CCSER1: variants seen among roughly 807,000 people sequenced by gnomAD.
The protein encoded by CCSER1 is serine-rich coiled-coil domain-containing protein 1.
In CCSER1, 41 loss-of-function variants were observed where a neutral mutation model predicts 82.0. The observed-to-expected ratio is 0.50, with a 90% CI of 0.39 to 0.65. The LOEUF is 0.65. Ranked by LOEUF, CCSER1 falls within the 30% of genes least tolerant of loss-of-function variation. The probability of loss-of-function intolerance (pLI) is 0.00; values close to 1 mark genes in which losing one functional copy is unlikely to be tolerated. For missense variants in CCSER1, 1,119 were observed against 1,064.2 expected (o/e 1.05, Z -0.72); for synonymous variants, 414 against 383.9 (o/e 1.08, Z -0.92).
At chr4:91,110,513 A>G (rs1365696157) in intron 10 of CCSER1, among the ~76,000 whole-genome samples, 1 of 151,988 alleles carries the variant, frequency 6.6e-6, no homozygotes, top group Admixed American at 6.6e-5. Context: ...ACCACATCCC[A>G]CACTGAATAG....
At chr4:90,249,841 C>T (rs1722073965) in intron 1 of CCSER1, among the ~76,000 whole-genome samples, 1 of 152,048 alleles carries the variant, frequency 6.6e-6, no homozygotes. Flanking sequence ...CACACTTGCA[C>T]CATTTTATAT....
intron 10 of CCSER1, among the ~76,000 whole-genome samples, chr4:91,160,438 A>G (rs929193548): frequency 3.0e-4 from 45 of 152,298 alleles, no homozygotes; most frequent in Admixed American, 1.1e-3. Flanking sequence ...GTCAAATGGT[A>G]TTTCTAGTTC....
intron 10 of CCSER1, among the ~76,000 whole-genome samples, chr4:91,157,575 A>G (rs994226167): frequency 6.6e-6 from 1 of 152,020 alleles, no homozygotes; most frequent in African/African-American, 2.4e-5. Context: ...ATCAAATACA[A>G]TGTGATTCAA....
chr4:91,442,199 T>C lies in CCSER1; in HGVS notation c.2218-156373T>C, dbSNP rs1307393505. Reference sequence around the variant, plus strand: ...AGCCAAAAGAACAAAGCTGGAGGCATCACGCTACCTGACTTCAAACTATTC... The same window carrying C: ...AGCCAAAAGAACAAAGCTGGAGGCACCACGCTACCTGACTTCAAACTATTC... On this transcript the variant is annotated intron_variant, in intron 10 of 10. Transcript: ENST00000509176. Among the ~76,000 whole-genome samples, 3 of 151,110 alleles carry C rather than the reference T, an allele frequency of 2.0e-5. No individual in the cohort carries two copies. The East Asian group carries it at 6.0e-4, about 30-fold the overall frequency.
intron 10 of CCSER1, among the ~76,000 whole-genome samples, chr4:91,332,306 A>G (rs1578208264): frequency 2.6e-5 from 4 of 152,042 alleles, no homozygotes; most frequent in Admixed American, 2.6e-4. Flanking sequence ...GCTTACATTG[A>G]TAATATTATC....
intron 10 of CCSER1, among the ~76,000 whole-genome samples, chr4:91,180,838 T>C (rs940724329): frequency 6.6e-6 from 1 of 152,224 alleles, no homozygotes; most frequent in East Asian, 1.9e-4. Context: ...ACATATTTAT[T>C]AACAGCAAAC....
chr4:90,189,661 A>G (rs1050983590), intron 1 of CCSER1, among the ~76,000 whole-genome samples: 2 of 151,468 alleles, frequency 1.3e-5, no homozygotes, highest in South Asian at 4.2e-4. Context: ...TGTTTTTTCT[A>G]CCTTTCTCTG....
At chr4:90,321,853 C>T (rs1022064026) in intron 3 of CCSER1, among the ~76,000 whole-genome samples, 2 of 151,968 alleles carry the variant, frequency 1.3e-5, no homozygotes, top group Admixed American at 6.6e-5. Context: ...GTTATCTTTT[C>T]TATTGAGTTG....
chr4:91,143,004 A>T (rs867976395), intron 10 of CCSER1, among the ~76,000 whole-genome samples: 7 of 152,092 alleles, frequency 4.6e-5, no homozygotes, highest in African/African-American at 1.7e-4. Context: ...AGTTTTTCTT[A>T]ATACTGTGAA....
chr4:90,900,073 G>A (rs1409374165), intron 8 of CCSER1, among the ~76,000 whole-genome samples: 1 of 142,378 alleles, frequency 7.0e-6, no homozygotes, highest in Non-Finnish European at 1.5e-5. Context: ...GAATTCTGCT[G>A]TGAAACCCTC....
At chr4:90,261,869 T>C (rs914991679) in intron 1 of CCSER1, among the ~76,000 whole-genome samples, 3 of 152,186 alleles carry the variant, frequency 2.0e-5, no homozygotes, top group African/African-American at 7.2e-5. Flanking sequence ...AAATGTTTTC[T>C]TATACTTATT....
intron 9 of CCSER1, among the ~76,000 whole-genome samples, chr4:91,053,190 A>G (rs1462071789): frequency 6.6e-6 from 1 of 152,220 alleles, no homozygotes; most frequent in African/African-American, 2.4e-5. Context: ...AATTTCACTA[A>G]GACTTATGAA....
At chr4:90,278,435 A>G (rs553186585) in intron 1 of CCSER1, among the ~76,000 whole-genome samples, 1 of 152,254 alleles carries the variant, frequency 6.6e-6, no homozygotes, top group South Asian at 2.1e-4. Flanking sequence ...CCTGGGGCCC[A>G]TCAAAGGTGG....
At chr4:90,346,349 A>ATC (rs1742335616) in intron 3 of CCSER1, among the ~76,000 whole-genome samples, 1 of 151,826 alleles carries the variant, frequency 6.6e-6, no homozygotes, top group African/African-American at 2.4e-5. Flanking sequence ...AACCGTGTAG[A>ATC]TCTCTCTTCT....
At position 90,352,280 on chromosome 4, in the gene CCSER1, C is replaced by T. The variant is rs145062699; in HGVS notation, c.1509+39233C>T. Among the ~76,000 whole-genome samples, 830 of 151,948 alleles carry T rather than the reference C, an allele frequency of 5.5e-3. 7 individuals carry two copies. The highest frequency in any genetic ancestry group is 0.019 in the African/African-American group (791 of 41,414). On this transcript the variant is annotated intron_variant, in intron 3 of 10. Coordinates refer to ENST00000509176, the MANE Select transcript of CCSER1 (RefSeq NM_001145065.2). ...CCGAGCTTGCAATGAGCTGAGATTG[C>T]GCCACTGCACTCCAGCCTGGGCGAC...
At chr4:91,044,684 A>T (rs1350848511) in intron 9 of CCSER1, among the ~76,000 whole-genome samples, 1 of 152,132 alleles carries the variant, frequency 6.6e-6, no homozygotes. Context: ...GAATTACTTT[A>T]CCTCATCTCC....
At chr4:90,539,113 G>A (rs528006276) in intron 5 of CCSER1, among the ~76,000 whole-genome samples, 41 of 151,986 alleles carry the variant, frequency 2.7e-4, no homozygotes, top group African/African-American at 7.0e-4. Context: ...ATAAAGGTAC[G>A]TAAACTTATT....
At chr4:90,257,563 A>G (rs1252737131) in intron 1 of CCSER1, among the ~76,000 whole-genome samples, 1 of 144,820 alleles carries the variant, frequency 6.9e-6, no homozygotes, top group Non-Finnish European at 1.5e-5. Flanking sequence ...ATAGATAGAT[A>G]CATAGATACA....
chr4:90,919,128 T>C (rs1299068923), intron 8 of CCSER1, among the ~76,000 whole-genome samples: 1 of 142,364 alleles, frequency 7.0e-6, no homozygotes, highest in Non-Finnish European at 1.5e-5. Context: ...TTAGTATGAA[T>C]CTGCAAGAAA....
Sources: gnomAD v4.1 joint callset for allele counts (sites outside exome capture counted in the v4.1 genomes callset) on GRCh38, gnomAD v4.1.1 for gene constraint, MANE v1.5 for transcripts, NCBI Gene and HGNC (gene_info 2026-07-23, HGNC 2026-07-21) for gene names.